SDK1: variants seen among roughly 807,000 people sequenced by gnomAD.
SDK1 encodes sidekick cell adhesion molecule 1.
SDK1 carries 157 observed loss-of-function variants against 245.5 expected under a neutral mutation model. The ratio of observed to expected loss-of-function variants is 0.64; its 90% confidence interval spans 0.56 to 0.73. The LOEUF (loss-of-function observed/expected upper bound fraction) is 0.73. Ranked by LOEUF, SDK1 falls within the 30% of genes least tolerant of loss-of-function variation. The pLI, the probability that SDK1 is intolerant of heterozygous loss-of-function variation, is 0.00. For synonymous variants in SDK1, 1,647 were observed against 1,278.5 expected (o/e 1.29, Z -6.15); for missense variants, 3,583 against 3,002.3 (o/e 1.19, Z -4.52).
intron 1 of SDK1, among the ~76,000 whole-genome samples, chr7:3,598,646 C>T (rs1248070415): frequency 6.6e-6 from 1 of 152,166 alleles, no homozygotes; most frequent in African/African-American, 2.4e-5. Context: ...CCTGGCAAAC[C>T]CTAATCCCTT....
At chr7:3,709,304 GT>G (rs1784969435) in intron 4 of SDK1, among the ~76,000 whole-genome samples, 3 of 152,226 alleles carry the variant, frequency 2.0e-5, no homozygotes, top group Non-Finnish European at 4.4e-5. Flanking sequence ...CTCCTGAGAA[GT>G]CTGCTGATAG....
At chr7:4,070,292 G>A (rs997040696) in intron 20 of SDK1, among the ~76,000 whole-genome samples, 6 of 152,054 alleles carry the variant, frequency 3.9e-5, no homozygotes, top group Non-Finnish European at 4.4e-5. Flanking sequence ...CTCATTTCCC[G>A]GTTCACTTTG....
intron 4 of SDK1, among the ~76,000 whole-genome samples, chr7:3,689,963 G>C (rs932536666): frequency 3.9e-5 from 6 of 152,164 alleles, no homozygotes; most frequent in Middle Eastern, 3.2e-3. Context: ...TTGATCATCC[G>C]TGTGGAAATG....
Position 3,619,199 on chromosome 7 carries a change from C to T in SDK1, c.418C>T (p.Arg140Cys), listed in dbSNP as rs746427735. ...GSWPLEFKWM[R>C]DDSELTTYSS... ...CTGGCCTTTGGAGTTCAAGTGGATG[C>T]GCGATGACAGTGAGCTCACCACCTA... Residue 140 changes from arginine to cysteine, a missense_variant, in exon 2 of 45, where the codon CGC becomes TGC. Transcript: ENST00000404826. 39 of 1,612,982 alleles carry T rather than the reference C, an allele frequency of 2.4e-5. No homozygotes were observed. The highest frequency in any genetic ancestry group is 1.8e-4 in the East Asian group (8 of 44,830).
At chr7:3,398,152 T>G (rs994545484) in intron 1 of SDK1, among the ~76,000 whole-genome samples, 4 of 152,132 alleles carry the variant, frequency 2.6e-5, no homozygotes, top group African/African-American at 9.6e-5. Flanking sequence ...TTTCTGTAAC[T>G]GTAGGTTTCA....
intron 35 of SDK1, among the ~76,000 whole-genome samples, chr7:4,189,280 C>T (rs1783057128): frequency 6.9e-6 from 1 of 145,630 alleles, no homozygotes; most frequent in South Asian, 2.1e-4. Flanking sequence ...TGCTGTGAGC[C>T]TGGGTATTGT....
chr7:3,427,267 C>A (rs1779704206), intron 1 of SDK1, among the ~76,000 whole-genome samples: 1 of 152,140 alleles, frequency 6.6e-6, no homozygotes, highest in Admixed American at 6.5e-5. Flanking sequence ...CACCTGTAAT[C>A]CCACACTTTG....
At chr7:4,003,414 C>T (rs1327568894) in intron 14 of SDK1, among the ~76,000 whole-genome samples, 2 of 152,246 alleles carry the variant, frequency 1.3e-5, no homozygotes, top group African/African-American at 4.8e-5. Context: ...ATTGAGCCCA[C>T]AGTGACACCT....
intron 1 of SDK1, among the ~76,000 whole-genome samples, chr7:3,533,458 G>C (rs1470295796): frequency 6.6e-6 from 1 of 152,144 alleles, no homozygotes; most frequent in African/African-American, 2.4e-5. Flanking sequence ...TAAATCCTAT[G>C]TATTCTCCAG....
rs536857518 is a variant in SDK1 at position 3,851,601 on chromosome 7, T to C, written c.847+30018T>C. Among the ~76,000 whole-genome samples, 30 of 150,562 alleles carry C rather than the reference T, an allele frequency of 2.0e-4. 1 individual carries two copies. Among genetic ancestry groups the C allele is most frequent in the African/African-American group, 7.5e-4 (30 of 39,980 alleles). ...AAGCTTGCCAATCATGCCGGTGTTA[T>C]GAGGATGTGTATTTTTAAGAGGAGA... On this transcript the variant is annotated intron_variant, in intron 5 of 44. Transcript: ENST00000404826.
chr7:3,854,520 G>A (rs538061847), intron 5 of SDK1, among the ~76,000 whole-genome samples: 1 of 152,088 alleles, frequency 6.6e-6, no homozygotes, highest in Non-Finnish European at 1.5e-5. Flanking sequence ...TTAGTATAGG[G>A]TCACAGAGCA....
intron 4 of SDK1, among the ~76,000 whole-genome samples, chr7:3,651,590 A>G (rs757777865): frequency 6.6e-6 from 1 of 152,180 alleles, no homozygotes; most frequent in Non-Finnish European, 1.5e-5. Context: ...TAGACGTCCG[A>G]TGGAGAAAAT....
rs1781061693 is a variant in SDK1, at chr7:3,954,267, T to TCC, written c.1150+2348_1150+2349dup. On this transcript the variant is annotated intron_variant, in intron 7 of 44. Transcript: ENST00000404826. Reference sequence around the variant, plus strand: ...CCCCTCCTGCCTCCCCTCTACACCCTCCTCTCCCGCATCACCTCTACACTC... The same window carrying TCC: ...CCCCTCCTGCCTCCCCTCTACACCCTCCCCTCTCCCGCATCACCTCTACACTC... Among the ~76,000 whole-genome samples, 22 of 16,614 alleles carry TCC rather than the reference T, an allele frequency of 1.3e-3. 1 individual carries two copies. Among genetic ancestry groups the TCC allele is most frequent in the African/African-American group, 4.9e-3 (19 of 3,868 alleles). The allele number at this position is 16,614 out of a possible 152,430, so 10.9% of individuals were successfully genotyped here.
chr7:3,499,804 G>C (rs896316858), intron 1 of SDK1, among the ~76,000 whole-genome samples: 1 of 152,144 alleles, frequency 6.6e-6, no homozygotes, highest in South Asian at 2.1e-4. Context: ...ATGGGTCCTG[G>C]GAAACACAGG....
Position 4,241,814 on chromosome 7 carries a change from A to G in SDK1, c.6152A>G (p.Glu2051Gly). The G allele has an allele frequency of 1.2e-6, 2 of 1,614,170 alleles. No individual in the cohort carries two copies. The highest frequency in any genetic ancestry group is 1.3e-5 in the African/African-American group (1 of 75,052). Residue 2051 changes from glutamate (E) to glycine (G), a missense_variant, in exon 43 of 45, where the codon GAG becomes GGG. Coordinates refer to ENST00000404826, the MANE Select transcript of SDK1 (RefSeq NM_152744.4). The part of the protein sequence containing the change: ...CSTGKGISTM[E>G]ESVTLDNGGF... ...TTAGGAAAGGGGATCTCCACCATGG[A>G]GGAGTCTGTGACCCTGGACAACGGA... is the stretch of plus-strand genomic sequence containing the variant.
chr7:3,827,637 A>G (rs1386525305), intron 5 of SDK1, among the ~76,000 whole-genome samples: 1 of 152,234 alleles, frequency 6.6e-6, no homozygotes, highest in Non-Finnish European at 1.5e-5. Flanking sequence ...ACTAACTGTA[A>G]CACAGTCCAC....
chr7:3,518,951 C>G (rs375757002), intron 1 of SDK1, among the ~76,000 whole-genome samples: 18 of 146,338 alleles, frequency 1.2e-4, no homozygotes, highest in African/African-American at 4.5e-4. Flanking sequence ...CAATGGAATA[C>G]GCTATTCAGC....
At chr7:3,453,684 A>G (rs966841922) in intron 1 of SDK1, among the ~76,000 whole-genome samples, 1 of 152,078 alleles carries the variant, frequency 6.6e-6, no homozygotes, top group Non-Finnish European at 1.5e-5. Flanking sequence ...GGCTCAAACC[A>G]TCCTCTTGCC....
At chr7:3,391,569 T>C (rs1227672299) in intron 1 of SDK1, among the ~76,000 whole-genome samples, 2 of 151,818 alleles carry the variant, frequency 1.3e-5, no homozygotes, top group Non-Finnish European at 2.9e-5. Context: ...TAAAAGTATA[T>C]ATATGTACAG....
Sources: gnomAD v4.1 joint callset for allele counts (sites outside exome capture counted in the v4.1 genomes callset) on GRCh38, gnomAD v4.1.1 for gene constraint, MANE v1.5 for transcripts, NCBI Gene and HGNC (gene_info 2026-07-23, HGNC 2026-07-21) for gene names.